The following BRDT variants were observed in gnomAD, a reference collection of about 807,000 sequenced individuals.
BRDT encodes bromodomain testis-specific protein.
Under a neutral mutation model 113.9 loss-of-function variants are expected in BRDT, and 77 were observed. That is an observed-to-expected ratio of 0.68 (90% CI 0.56 to 0.82). BRDT has a LOEUF of 0.82. BRDT is among the 40% of genes least tolerant of loss of function. The pLI, the probability that BRDT is intolerant of heterozygous loss-of-function variation, is 0.00. For synonymous variants in BRDT, 358 were observed against 366.5 expected (o/e 0.98, Z 0.26); for missense variants, 1,027 against 1,105.4 (o/e 0.93, Z 1.01).
intron 1 of BRDT, among the ~76,000 whole-genome samples, chr1:91,954,137 A>G (rs961698943): frequency 1.3e-5 from 2 of 151,896 alleles, no homozygotes; most frequent in Non-Finnish European, 2.9e-5. Context: ...ACACCTGGCA[A>G]ATTTTTGTAT....
intron 2 of BRDT, among the ~76,000 whole-genome samples, chr1:91,963,880 CTTT>C (rs755535465): frequency 7.2e-6 from 1 of 139,768 alleles, no homozygotes. Flanking sequence ...AGAATATGGC[CTTT>C]TTTTTTTTGA....
chr1:91,996,526 C>T (rs374740035), intron 15 of BRDT, among the ~76,000 whole-genome samples: 2 of 152,108 alleles, frequency 1.3e-5, no homozygotes, highest in African/African-American at 4.8e-5. Flanking sequence ...GGATTACAGG[C>T]GTGAGCCACC....
chr1:91,959,669 T>TG (rs1682215307), intron 1 of BRDT, among the ~76,000 whole-genome samples: 3 of 151,918 alleles, frequency 2.0e-5, no homozygotes, highest in Non-Finnish European at 4.4e-5. Flanking sequence ...TTTGCAGAGA[T>TG]GGGGGGTTTC....
chr1:91,995,488 C>T (rs998320241), intron 15 of BRDT, among the ~76,000 whole-genome samples: 5 of 151,512 alleles, frequency 3.3e-5, no homozygotes, highest in South Asian at 2.1e-4. Context: ...GATGGAGTCT[C>T]GCTCTGTCTT....
Position 91,981,676 on chromosome 1 carries a change from C to T in BRDT, c.1923C>T (p.Ser641=). The change falls in exon 12 of 19, where the codon AGC becomes AGT. Residue 641 remains serine (S), a synonymous_variant. Transcript: ENST00000399546. ...ATGTTTCCCGACTGAGTGAGAGCAGCAGCAGCAGCAGCAGCTCATCAGAGT... is the reference window on the plus strand; with the variant it reads ...ATGTTTCCCGACTGAGTGAGAGCAGTAGCAGCAGCAGCAGCTCATCAGAGT... The part of the protein sequence containing the change: ...VENVSRLSES[S]SSSSSSSESE... 2 of 1,614,132 alleles carry T rather than the reference C, an allele frequency of 1.2e-6. No individual in the cohort carries two copies. Among genetic ancestry groups the T allele is most frequent in the Non-Finnish European group, 1.7e-6 (2 of 1,179,972 alleles).
chr1:91,978,115 A>G, intron 6 of BRDT, 53 bp from the exon 7 acceptor site: 2 of 1,515,130 alleles, frequency 1.3e-6, no homozygotes, highest in East Asian at 4.5e-5. Flanking sequence ...TACGTGGTCA[A>G]ATAATTATTG....
chr1:91,969,823 G>GTGTTTTTTT (rs1360208667), intron 4 of BRDT, among the ~76,000 whole-genome samples: 1 of 71,732 alleles, frequency 1.4e-5, no homozygotes, highest in African/African-American at 4.9e-5. Context: ...GTGTGTGTGT[G>GTGTTTTTTT]TTTTTTTTTT....
chr1:91,966,401 G>A (rs951147867), intron 3 of BRDT, among the ~76,000 whole-genome samples: 11 of 152,134 alleles, frequency 7.2e-5, no homozygotes, highest in Non-Finnish European at 1.3e-4. Flanking sequence ...TAGCCAATGC[G>A]AATGATTTTT....
At chr1:91,999,071 A>C (rs919460044) in intron 15 of BRDT, among the ~76,000 whole-genome samples, 1 of 152,060 alleles carries the variant, frequency 6.6e-6, no homozygotes, top group Non-Finnish European at 1.5e-5. Context: ...AGGAAAGGAG[A>C]ATATAGAGAC....
At position 92,007,360 on chromosome 1, in the gene BRDT, TTACC is replaced by T. The variant is rs532980321; in HGVS notation, c.2775+2063_2775+2066del. Among the ~76,000 whole-genome samples the T allele has an allele frequency of 9.9e-5, 15 of 152,266 alleles. No individual in the cohort carries two copies. In the South Asian group the frequency reaches 2.5e-3, roughly 25 times the overall value. On this transcript the variant is annotated intron_variant, in intron 18 of 18. Coordinates refer to ENST00000399546, the MANE Select transcript of BRDT (RefSeq NM_207189.4). ...AGGTATTAAGCCCAGTATCCAATAG[TTACC>T]TTTTCTGCTCCTCTCCGTCCTCCCA...
chr1:91,985,395 A>G (rs1446312971), intron 12 of BRDT, among the ~76,000 whole-genome samples: 1 of 151,784 alleles, frequency 6.6e-6, no homozygotes, highest in Admixed American at 6.6e-5. Flanking sequence ...GGGTTTCATC[A>G]TGATGGCTAG....
intron 12 of BRDT, among the ~76,000 whole-genome samples, chr1:91,985,638 CTT>C (rs57330647): frequency 2.8e-5 from 3 of 108,606 alleles, no homozygotes; most frequent in Non-Finnish European, 5.2e-5. Flanking sequence ...ATTAGTTTTG[CTT>C]TTTTTTTTTT....
intron 1 of BRDT, among the ~76,000 whole-genome samples, chr1:91,957,220 G>A (rs1681870187): frequency 6.6e-6 from 1 of 152,158 alleles, no homozygotes. Flanking sequence ...TTGGCCGGGG[G>A]CAGTGGCTCA....
At chr1:91,957,071 A>C (rs1681850958) in intron 1 of BRDT, among the ~76,000 whole-genome samples, 1 of 152,246 alleles carries the variant, frequency 6.6e-6, no homozygotes, top group African/African-American at 2.4e-5. Context: ...AAGTCTAGGA[A>C]GGTAACTGAG....
At chr1:91,987,612 C>T (rs1481541734) in intron 12 of BRDT, among the ~76,000 whole-genome samples, 1 of 152,174 alleles carries the variant, frequency 6.6e-6, no homozygotes, top group Admixed American at 6.5e-5. Flanking sequence ...TCTCAAAGTG[C>T]TGGGATTACA....
Position 92,004,461 on chromosome 1 carries a change from A to T in BRDT, c.2436A>T (p.Pro812=). The stretch of plus-strand genomic sequence containing the variant: ...ATTCATGGAAAAGTTTAGGCAAACC[A>T]GTGAAACCATCAGGTGTAATGAAAT... ...NADSWKSLGK[P]VKPSGVMKSS... is the part of the protein sequence containing the mutation. Residue 812 remains proline (P), a synonymous_variant, in exon 17 of 19, where the codon CCA becomes CCT. Coordinates refer to ENST00000399546, the MANE Select transcript of BRDT (RefSeq NM_207189.4). 2 of 1,610,908 alleles carry T rather than the reference A, an allele frequency of 1.2e-6. No homozygotes were observed. Among genetic ancestry groups the T allele is most frequent in the Non-Finnish European group, 1.7e-6 (2 of 1,179,250 alleles).
intron 12 of BRDT, among the ~76,000 whole-genome samples, chr1:91,990,522 C>T (rs1324103215): frequency 6.6e-6 from 1 of 152,136 alleles, no homozygotes; most frequent in East Asian, 1.9e-4. Flanking sequence ...ATGGATGCTG[C>T]TTGTTTGAAA....
intron 3 of BRDT, among the ~76,000 whole-genome samples, chr1:91,965,080 TTG>T (rs889042506): frequency 6.6e-6 from 1 of 151,826 alleles, no homozygotes; most frequent in African/African-American, 2.4e-5. Context: ...GGCTAATTTT[TTG>T]TATCTTTTTT....
chr1:91,961,118 T>C (rs1682399713), intron 1 of BRDT, among the ~76,000 whole-genome samples: 1 of 150,450 alleles, frequency 6.6e-6, no homozygotes. Context: ...CCAGACCAGC[T>C]TGGCCAATGT....
Sources: allele counts gnomAD v4.1 joint callset (sites outside exome capture counted in the v4.1 genomes callset), GRCh38; gene constraint gnomAD v4.1.1; transcripts MANE v1.5; gene names NCBI Gene and HGNC (gene_info 2026-07-23, HGNC 2026-07-21).